SDK1: variants seen among roughly 807,000 people sequenced by gnomAD.
The protein encoded by SDK1 is protein sidekick-1.
A neutral mutation model predicts 245.5 loss-of-function variants in SDK1; 157 were observed. That is an observed-to-expected ratio of 0.64 (90% CI 0.56 to 0.73). SDK1 has a LOEUF of 0.73. Among genes scored for constraint, SDK1 ranks in the 30% least tolerant of loss-of-function variants. SDK1 has a pLI of 0.00. For synonymous variants in SDK1, 1,647 were observed against 1,278.5 expected, an observed-to-expected ratio of 1.29 and a Z score of -6.15; for missense variants, 3,583 against 3,002.3, an observed-to-expected ratio of 1.19 and a Z score of -4.52.
In SDK1 at chr7:3,580,978, AAAAAAAAAAAAAAAAACCAAAAC is replaced by A. The variant is rs1432772513; in HGVS notation, c.299-38097_299-38075del. On this transcript the variant is annotated intron_variant, in intron 1 of 44. Coordinates refer to ENST00000404826, the MANE Select transcript of SDK1 (RefSeq NM_152744.4). The stretch of plus-strand genomic sequence containing the variant: ...GGCAAGACTCCATCTCAAAAAAAAA[AAAAAAAAAAAAAAAAACCAAAAC>A]AAAACCCTGGAAGACAATCTATGCA... Among the ~76,000 whole-genome samples the A allele has an allele frequency of 3.6e-5, 5 of 138,540 alleles. No homozygotes were observed. The East Asian group carries it at 8.6e-4, about 24-fold the overall frequency. 90.9% of individuals were successfully genotyped at this position (138,540 alleles called of 152,430 possible). A position where few individuals can be genotyped will look rare whatever the true frequency, so the allele number is the denominator to read the frequency against.
intron 5 of SDK1, among the ~76,000 whole-genome samples, chr7:3,822,733 A>T (rs1313303730): frequency 1.3e-5 from 2 of 150,316 alleles, no homozygotes; most frequent in Non-Finnish European, 3.0e-5. Context: ...ATGCCATTAC[A>T]CTCCAGCCTG....
chr7:4,223,553 T>A (rs553009818), intron 40 of SDK1, among the ~76,000 whole-genome samples: 1 of 152,344 alleles, frequency 6.6e-6, no homozygotes, highest in African/African-American at 2.4e-5. Flanking sequence ...CATCTCTGCC[T>A]TCATCTTCCC....
intron 44 of SDK1, among the ~76,000 whole-genome samples, 169 bp from the exon 45 acceptor site, chr7:4,264,955 C>G (rs948590897): frequency 1.3e-5 from 2 of 150,936 alleles, no homozygotes; most frequent in African/African-American, 4.9e-5. Context: ...GCTGCCTGCT[C>G]TCCTGTGTGG....
intron 14 of SDK1, among the ~76,000 whole-genome samples, chr7:4,004,220 A>G (rs1468630830): frequency 6.6e-6 from 1 of 152,226 alleles, no homozygotes; most frequent in Non-Finnish European, 1.5e-5. Flanking sequence ...CAAACAGGGA[A>G]TAAAATAGAT....
chr7:3,352,960 T>C (rs1780699408), intron 1 of SDK1, among the ~76,000 whole-genome samples: 1 of 152,120 alleles, frequency 6.6e-6, no homozygotes, highest in Non-Finnish European at 1.5e-5. Flanking sequence ...GGGAATACTT[T>C]GTTGTAGTTA....
At chr7:3,302,782 G>C (rs901237337) in intron 1 of SDK1, among the ~76,000 whole-genome samples, 1 of 152,138 alleles carries the variant, frequency 6.6e-6, no homozygotes, top group African/African-American at 2.4e-5. Flanking sequence ...TGGTTTTGCT[G>C]ATGGTAGTTT....
At chr7:3,484,384 C>T (rs1178302840) in intron 1 of SDK1, among the ~76,000 whole-genome samples, 1 of 152,158 alleles carries the variant, frequency 6.6e-6, no homozygotes, top group Non-Finnish European at 1.5e-5. Flanking sequence ...TGAGGTTCCA[C>T]AAGGCCGACT....
intron 5 of SDK1, among the ~76,000 whole-genome samples, chr7:3,851,464 A>C (rs529996746): frequency 4.6e-5 from 7 of 152,230 alleles, no homozygotes; most frequent in Admixed American, 1.3e-4. Context: ...GCTTCTTTGC[A>C]TTGCGTGTTT....
At position 4,017,216 on chromosome 7, in the gene SDK1, C is replaced by A. The variant is rs375603427; in HGVS notation, c.2466C>A (p.Ile822=). ...CCGGAGAGTACCAGCAGCGGAACAT[C>A]ACCAGCCCGGAGGTGAACTACTGCC... ...GLPGEYQQRN[I]TSPEVNYCLV... Residue 822 remains isoleucine (I), a synonymous_variant, in exon 17 of 45, where the codon ATC becomes ATA. Coordinates refer to ENST00000404826, the MANE Select transcript of SDK1 (RefSeq NM_152744.4). 9.9e-6 allele frequency: 16 copies of A among 1,613,822 alleles called. No homozygotes were observed. The South Asian group carries it at 1.1e-4, about 11-fold the overall frequency.
intron 4 of SDK1, among the ~76,000 whole-genome samples, chr7:3,675,160 A>G (rs1583295857): frequency 6.6e-6 from 1 of 152,132 alleles, no homozygotes; most frequent in South Asian, 2.1e-4. Context: ...CCCATAGTCT[A>G]TATCATATCA....
intron 4 of SDK1, among the ~76,000 whole-genome samples, chr7:3,797,322 C>G (rs1367734701): frequency 6.6e-6 from 1 of 151,726 alleles, no homozygotes; most frequent in Non-Finnish European, 1.5e-5. Flanking sequence ...TTCCTGTTTT[C>G]CCTTTTCGCT....
At chr7:3,551,012 A>C (rs1174116655) in intron 1 of SDK1, among the ~76,000 whole-genome samples, 1 of 152,206 alleles carries the variant, frequency 6.6e-6, no homozygotes, top group Non-Finnish European at 1.5e-5. Flanking sequence ...ACCAGCTTTT[A>C]ATATATTTTT....
At chr7:3,773,293 A>T (rs1780455549) in intron 4 of SDK1, among the ~76,000 whole-genome samples, 1 of 151,748 alleles carries the variant, frequency 6.6e-6, no homozygotes, top group African/African-American at 2.4e-5. Context: ...ACATTCACTG[A>T]TTCTTTCTTC....
At chr7:3,365,306 C>G (rs549849152) in intron 1 of SDK1, among the ~76,000 whole-genome samples, 78 of 152,270 alleles carry the variant, frequency 5.1e-4, no homozygotes, top group Non-Finnish European at 7.6e-4. Context: ...TTTCTAACAC[C>G]TGGAACCTCT....
intron 4 of SDK1, among the ~76,000 whole-genome samples, chr7:3,661,799 C>G (rs1783367541): frequency 6.6e-6 from 1 of 152,072 alleles, no homozygotes; most frequent in Admixed American, 6.5e-5. Flanking sequence ...AGTTGTGTGG[C>G]CTCGGGCAAG....
chr7:4,202,606 G>A (rs78659117), intron 35 of SDK1, among the ~76,000 whole-genome samples: 11,170 of 152,268 alleles, frequency 0.073, 431 homozygotes, highest in Middle Eastern at 0.11. Context: ...ATGACCTTCC[G>A]CCTGGCGGAC....
intron 4 of SDK1, among the ~76,000 whole-genome samples, chr7:3,658,356 C>G (rs1783252662): frequency 6.6e-6 from 1 of 152,126 alleles, no homozygotes. Context: ...TTCTTTCCTC[C>G]AGTCAATCAG....
intron 22 of SDK1, among the ~76,000 whole-genome samples, chr7:4,106,535 A>T (rs1310549867): frequency 6.6e-6 from 1 of 151,896 alleles, no homozygotes; most frequent in African/African-American, 2.4e-5. Context: ...TGACCTTGTG[A>T]TCCACCCACC....
At chr7:3,318,769 G>C (rs1010878798) in intron 1 of SDK1, among the ~76,000 whole-genome samples, 4 of 152,106 alleles carry the variant, frequency 2.6e-5, no homozygotes, top group African/African-American at 9.7e-5. Flanking sequence ...TACCATCATT[G>C]TTGGTTTTAG....
Sources: allele counts gnomAD v4.1 joint callset (sites outside exome capture counted in the v4.1 genomes callset), GRCh38; gene constraint gnomAD v4.1.1; transcripts MANE v1.5; gene names NCBI Gene and HGNC (gene_info 2026-07-23, HGNC 2026-07-21).